Variants in SORCS2 observed in about 807,000 individuals in gnomAD.
SORCS2 encodes sortilin related VPS10 domain containing receptor 2.
In SORCS2, 100 loss-of-function variants were observed where a neutral mutation model predicts 141.6. The observed-to-expected ratio is 0.71, with a 90% CI of 0.60 to 0.83. The LOEUF (loss-of-function observed/expected upper bound fraction) is 0.83, where lower values mean the gene tolerates loss of function less well. SORCS2 is among the 40% of genes least tolerant of loss of function. The pLI, the probability that SORCS2 is intolerant of heterozygous loss-of-function variation, is 0.00. For synonymous variants in SORCS2, 789 were observed against 676.9 expected (o/e 1.17, Z -2.57); for missense variants, 1,646 against 1,560.2 (o/e 1.05, Z -0.93).
intron 2 of SORCS2, among the ~76,000 whole-genome samples, chr4:7,456,009 C>A (rs186083158): frequency 2.5e-4 from 38 of 152,236 alleles, no homozygotes; most frequent in African/African-American, 7.7e-4. Context: ...AGCTTGAGAC[C>A]AAGGTGTAGG....
At chr4:7,513,448 C>A (rs557313394) in intron 2 of SORCS2, among the ~76,000 whole-genome samples, 2 of 152,336 alleles carry the variant, frequency 1.3e-5, no homozygotes, top group South Asian at 4.1e-4. Context: ...TAGGATTCAC[C>A]TGCAGCCCAG....
At chr4:7,518,344 G>T (rs116633023) in intron 2 of SORCS2, among the ~76,000 whole-genome samples, 2,107 of 152,160 alleles carry the variant, frequency 0.014, 54 homozygotes, top group African/African-American at 0.048. Context: ...CGGCTCACAC[G>T]CACCCTCTTT....
intron 1 of SORCS2, among the ~76,000 whole-genome samples, chr4:7,387,867 GAGAT>G (rs1438158930): frequency 1.0e-5 from 1 of 97,118 alleles, no homozygotes. Flanking sequence ...CAGGTACACA[GAGAT>G]ACACACAGAT....
chr4:7,526,658 A>T (rs1008305528), intron 2 of SORCS2, among the ~76,000 whole-genome samples: 2 of 152,046 alleles, frequency 1.3e-5, no homozygotes, highest in African/African-American at 2.4e-5. Context: ...CCTGACCTGA[A>T]CTCTGCACTC....
intron 2 of SORCS2, among the ~76,000 whole-genome samples, chr4:7,483,054 C>T (rs993871490): frequency 7.9e-5 from 12 of 152,164 alleles, no homozygotes; most frequent in East Asian, 3.9e-4. Context: ...GGCGCGGTGG[C>T]TCGTGCCTGT....
At chr4:7,395,245 A>G (rs539947700) in intron 1 of SORCS2, among the ~76,000 whole-genome samples, 109 of 152,314 alleles carry the variant, frequency 7.2e-4, no homozygotes, top group African/African-American at 2.5e-3. Context: ...ATCTGTGGAA[A>G]CGGCACCTTA....
intron 1 of SORCS2, among the ~76,000 whole-genome samples, chr4:7,283,658 C>A (rs1177452632): frequency 2.0e-5 from 3 of 152,130 alleles, no homozygotes; most frequent in African/African-American, 7.2e-5. Context: ...GGGTTGGCGG[C>A]AGTTTCTGCA....
chr4:7,233,093 A>G lies in SORCS2; in HGVS notation c.480+39967A>G, dbSNP rs79536796. 0.027 allele frequency among the ~76,000 whole-genome samples: 4,124 copies of G among 152,228 alleles called. 195 individuals are homozygous for G. Among genetic ancestry groups the G allele is most frequent in the African/African-American group, 0.095 (3,959 of 41,516 alleles). On this transcript the variant is annotated intron_variant, in intron 1 of 26. Transcript: ENST00000507866. The surrounding 1 kb of genome is among the most constrained non-coding windows in gnomAD (Gnocchi z 4.5). ...GTCAGGCTTCGGCACCCGCATGTTC[A>G]ACTACTGCCTTCCTGATGGAGGAGG...
chr4:7,564,764 A>T (rs1714845457), intron 3 of SORCS2, among the ~76,000 whole-genome samples: 1 of 152,254 alleles, frequency 6.6e-6, no homozygotes, highest in South Asian at 2.1e-4. Flanking sequence ...GACAGGCCCC[A>T]TGCCACAGTC....
intron 1 of SORCS2, among the ~76,000 whole-genome samples, chr4:7,260,333 C>T (rs114897123): frequency 0.023 from 3,505 of 152,180 alleles, 138 homozygotes; most frequent in African/African-American, 0.079. Flanking sequence ...AGAGGAGCCA[C>T]ACTTACTCTC....
chr4:7,624,219 T>G (rs1192745014), intron 3 of SORCS2, among the ~76,000 whole-genome samples: 1 of 152,154 alleles, frequency 6.6e-6, no homozygotes. Flanking sequence ...TGACTGGGGC[T>G]TCTCCAGACA....
At chr4:7,690,994 G>A (rs1724209342) in intron 11 of SORCS2, among the ~76,000 whole-genome samples, 1 of 152,182 alleles carries the variant, frequency 6.6e-6, no homozygotes, top group Admixed American at 6.5e-5. Context: ...TCGCTTGGCT[G>A]GTGTGTGGGA....
rs1406094172 is a variant in SORCS2, at chr4:7,648,659, G to C, written c.814-5475G>C. Among the ~76,000 whole-genome samples, 1 of 152,140 alleles carries C rather than the reference G, an allele frequency of 6.6e-6. No individual in the cohort carries two copies. The highest frequency in any genetic ancestry group is 1.9e-4 in the East Asian group (1 of 5,186). ...ACTGAGGGCGGGCGGGGAGTGAGGG[G>C]GCTGCCAAGCGGCTTGGCCTCTGCA... On this transcript the variant is annotated intron_variant, in intron 4 of 26. Coordinates refer to ENST00000507866, the MANE Select transcript of SORCS2 (RefSeq NM_020777.3). The surrounding 1 kb of genome is among the most constrained non-coding windows in gnomAD (Gnocchi z 4.2).
intron 14 of SORCS2, among the ~76,000 whole-genome samples, chr4:7,705,257 C>T (rs1725354346): frequency 6.6e-6 from 1 of 152,108 alleles, no homozygotes; most frequent in Non-Finnish European, 1.5e-5. Context: ...CTGGAAGGGG[C>T]AGGAAGCCTC....
Position 7,379,089 on chromosome 4 carries a change from T to A in SORCS2, c.481-17199T>A, listed in dbSNP as rs141955733. ...GCAGATGTCCTGGGTTATTGTGAGATTCTGTTGCCTCCTAGATCCTGTGCT... is the reference window on the plus strand; with the variant it reads ...GCAGATGTCCTGGGTTATTGTGAGAATCTGTTGCCTCCTAGATCCTGTGCT... On this transcript the variant is annotated intron_variant, in intron 1 of 26. Coordinates refer to ENST00000507866, the MANE Select transcript of SORCS2 (RefSeq NM_020777.3). Among the ~76,000 whole-genome samples, 12 of 152,276 alleles carry A rather than the reference T, an allele frequency of 7.9e-5. No homozygotes were observed. In the East Asian group the frequency reaches 1.5e-3, roughly 20 times the overall value.
chr4:7,421,467 G>T (rs1021873457), intron 2 of SORCS2, among the ~76,000 whole-genome samples: 1 of 152,208 alleles, frequency 6.6e-6, no homozygotes, highest in African/African-American at 2.4e-5. Context: ...GGGTTGCGGG[G>T]TCCAGTGGTA....
intron 3 of SORCS2, among the ~76,000 whole-genome samples, chr4:7,630,073 A>C (rs1188698560): frequency 6.6e-6 from 1 of 152,182 alleles, no homozygotes; most frequent in Non-Finnish European, 1.5e-5. Flanking sequence ...AGCCACCGGC[A>C]TGTCCCCCTG....
chr4:7,666,240 C>G (rs1270479403), intron 7 of SORCS2, among the ~76,000 whole-genome samples: 1 of 152,010 alleles, frequency 6.6e-6, no homozygotes, highest in Non-Finnish European at 1.5e-5. Flanking sequence ...CACGTCTGGT[C>G]TGTGTTCAGA....
chr4:7,368,622 G>A (rs1011660552), intron 1 of SORCS2, among the ~76,000 whole-genome samples: 7 of 152,234 alleles, frequency 4.6e-5, no homozygotes, highest in African/African-American at 1.7e-4. Context: ...TGCCCCCATG[G>A]AGGGGACCAC....
Sources: allele counts gnomAD v4.1 joint callset (sites outside exome capture counted in the v4.1 genomes callset), GRCh38; gene constraint gnomAD v4.1.1; non-coding constraint Gnocchi (gnomAD v3.1); transcripts MANE v1.5; gene names NCBI Gene and HGNC (gene_info 2026-07-23, HGNC 2026-07-21).